Variants in CALN1 observed in about 807,000 individuals in gnomAD.
CALN1 encodes the protein calneuron 1.
A neutral mutation model predicts 30.6 loss-of-function variants in CALN1; 17 were observed. The ratio of observed to expected loss-of-function variants is 0.56; its 90% CI spans 0.38 to 0.83. CALN1 has a LOEUF of 0.83. Among genes scored for constraint, CALN1 ranks in the 40% least tolerant of loss-of-function variants. The pLI, the probability that CALN1 is intolerant of heterozygous loss-of-function variation, is 0.00. For synonymous variants in CALN1, 156 were observed against 131.4 expected (o/e 1.19, Z -1.28); for missense variants, 291 against 354.9 (o/e 0.82, Z 1.45).
rs146093354 is a variant in CALN1 at position 72,367,074 on chromosome 7, G to A, written c.119+36177C>T. Among the ~76,000 whole-genome samples, 185 of 152,006 alleles carry A rather than the reference G, an allele frequency of 1.2e-3. 1 individual carries two copies. The highest frequency in any genetic ancestry group is 4.2e-3 in the African/African-American group (176 of 41,488). On this transcript the variant is annotated intron_variant, in intron 2 of 6. Coordinates refer to ENST00000395275, the MANE Select transcript of CALN1 (RefSeq NM_031468.4). ...ATGTTGAGTCAAAGACGACAGATAA[G>A]GTAGAAAGCATGCTTCATGATTATA... is the stretch of plus-strand genomic sequence containing the variant.
At chr7:72,159,478 C>A (rs1387018428) in intron 3 of CALN1, among the ~76,000 whole-genome samples, 1 of 148,020 alleles carries the variant, frequency 6.8e-6, no homozygotes, top group Non-Finnish European at 1.5e-5. Flanking sequence ...CCAGCCTGGG[C>A]AACAGAGCGA....
At chr7:72,216,414 T>TA (rs900633500) in intron 3 of CALN1, among the ~76,000 whole-genome samples, 7 of 66,868 alleles carry the variant, frequency 1.0e-4, no homozygotes, top group Admixed American at 3.1e-4. Flanking sequence ...CCTATGTCTT[T>TA]AAAAAAAAAC....
At chr7:71,939,681 T>G (rs1013674001) in intron 5 of CALN1, among the ~76,000 whole-genome samples, 8 of 152,048 alleles carry the variant, frequency 5.3e-5, no homozygotes, top group African/African-American at 1.7e-4. Flanking sequence ...CTAAATACAC[T>G]GCTTGGAAGT....
chr7:72,346,026 G>A (rs10234537), intron 2 of CALN1, among the ~76,000 whole-genome samples: 2 of 152,060 alleles, frequency 1.3e-5, no homozygotes, highest in African/African-American at 4.8e-5. Flanking sequence ...ATATAAAACA[G>A]ACATTAAAAC....
chr7:72,202,336 A>T (rs943734349), intron 3 of CALN1, among the ~76,000 whole-genome samples: 1 of 152,210 alleles, frequency 6.6e-6, no homozygotes, highest in Non-Finnish European at 1.5e-5. Context: ...TTAAAACTCC[A>T]ATATAAATAT....
chr7:72,407,393 A>G (rs1037706190), intron 1 of CALN1, among the ~76,000 whole-genome samples: 2 of 152,166 alleles, frequency 1.3e-5, no homozygotes, highest in Non-Finnish European at 2.9e-5. Flanking sequence ...GTAATCCCCA[A>G]TGTTGGAGGT....
chr7:72,029,017 A>G (rs1419287139), intron 4 of CALN1, among the ~76,000 whole-genome samples: 1 of 152,226 alleles, frequency 6.6e-6, no homozygotes, highest in African/African-American at 2.4e-5. Context: ...ATAGACAGAC[A>G]GATATAGCTA....
chr7:72,409,788 C>G (rs535117827), intron 1 of CALN1, among the ~76,000 whole-genome samples: 1 of 152,184 alleles, frequency 6.6e-6, no homozygotes, highest in African/African-American at 2.4e-5. Flanking sequence ...ACTCGAAGAC[C>G]CAATTCAAAG....
At chr7:72,355,775 G>A (rs1803184878) in intron 2 of CALN1, among the ~76,000 whole-genome samples, 2 of 152,092 alleles carry the variant, frequency 1.3e-5, no homozygotes, top group Non-Finnish European at 1.5e-5. Flanking sequence ...GGATTCCTGG[G>A]GCTGAGTGGT....
chr7:71,834,857 C>T (rs10247695), intron 5 of CALN1, among the ~76,000 whole-genome samples: 10,409 of 152,128 alleles, frequency 0.068, 1,104 homozygotes, highest in African/African-American at 0.23. Flanking sequence ...TTTGAGACAG[C>T]GTCTTACTCT....
intron 5 of CALN1, among the ~76,000 whole-genome samples, chr7:71,963,202 AC>A (rs1160979158): frequency 6.6e-6 from 1 of 152,060 alleles, no homozygotes; most frequent in Non-Finnish European, 1.5e-5. Context: ...TTGCTCTGTC[AC>A]CCAGGCTGGA....
At position 71,904,391 on chromosome 7, in the gene CALN1, GCAA is replaced by G. The variant is rs1794019121; in HGVS notation, c.502-93902_502-93900del. ...GAAAAAGAATAAAATCTTGTTATTT[GCAA>G]CAACATGGATGGAACTAGAGGACAT... is the stretch of plus-strand genomic sequence containing the variant. On this transcript the variant is annotated intron_variant, in intron 5 of 6. Coordinates refer to ENST00000395275, the MANE Select transcript of CALN1 (RefSeq NM_031468.4). Among the ~76,000 whole-genome samples, 5 of 152,178 alleles carry G rather than the reference GCAA, an allele frequency of 3.3e-5. No homozygotes were observed. In the South Asian group the frequency reaches 1.0e-3, roughly 32 times the overall value.
chr7:72,156,589 G>A (rs534651183), intron 3 of CALN1, among the ~76,000 whole-genome samples: 1 of 152,314 alleles, frequency 6.6e-6, no homozygotes, highest in African/African-American at 2.4e-5. Context: ...GGCCCCATGA[G>A]TCCCCATGTC....
chr7:72,295,002 A>G (rs1301200874), intron 2 of CALN1, among the ~76,000 whole-genome samples: 1 of 151,912 alleles, frequency 6.6e-6, no homozygotes, highest in Admixed American at 6.6e-5. Flanking sequence ...GTATTTAAAA[A>G]GTTGGTCTAC....
At chr7:72,475,941 C>CTTTTTTTTT in the CALN1 span, among the ~76,000 whole-genome samples, 2 of 75,852 alleles carry the variant, frequency 2.6e-5, no homozygotes, top group Non-Finnish European at 4.5e-5. Context: ...CTCTCTCTCT[C>CTTTTTTTTT]TTTTTTTTTT....
At chr7:72,344,636 ATATT>A (rs926073805) in intron 2 of CALN1, among the ~76,000 whole-genome samples, 1 of 123,204 alleles carries the variant, frequency 8.1e-6, no homozygotes, top group Admixed American at 9.0e-5. Flanking sequence ...ATTTAAATAT[ATATT>A]TATATTTTTT....
intron 3 of CALN1, among the ~76,000 whole-genome samples, chr7:72,185,099 C>A (rs1790084930): frequency 6.6e-6 from 1 of 152,078 alleles, no homozygotes; most frequent in Non-Finnish European, 1.5e-5. Context: ...GCCACCACAC[C>A]CAGCTTAGGC....
intron 3 of CALN1, among the ~76,000 whole-genome samples, chr7:72,110,498 G>T (rs182426605): frequency 6.6e-4 from 100 of 152,244 alleles, no homozygotes; most frequent in Middle Eastern, 3.4e-3. Context: ...TCAGCTCAGG[G>T]TTCTATTTTC....
intron 6 of CALN1, among the ~76,000 whole-genome samples, chr7:71,791,642 A>C (rs1337028970): frequency 2.0e-5 from 3 of 152,184 alleles, no homozygotes; most frequent in African/African-American, 7.2e-5. Context: ...TCTGTACAAC[A>C]AACGCCTGTG....
Sources: gnomAD v4.1 joint callset for allele counts (sites outside exome capture counted in the v4.1 genomes callset) on GRCh38, gnomAD v4.1.1 for gene constraint, MANE v1.5 for transcripts, NCBI Gene and HGNC (gene_info 2026-07-23, HGNC 2026-07-21) for gene names.